Variants in CREB1 observed in about 807,000 individuals in gnomAD.
The protein encoded by CREB1 is cAMP responsive element binding protein 1, also known as cyclic AMP-responsive element-binding protein 1.
In CREB1, 2 loss-of-function variants were observed where a neutral mutation model predicts 42.0. The observed-to-expected ratio is 0.05, with a 90% confidence interval of 0.02 to 0.15. CREB1 has a LOEUF of 0.15. Ranked by LOEUF, CREB1 falls within the 10% of genes least tolerant of loss-of-function variation. The pLI is 1.00. For synonymous variants in CREB1, 123 were observed against 139.9 expected (o/e 0.88, Z 0.85); for missense variants, 199 against 388.9 (o/e 0.51, Z 4.11).
chr2:207,531,363 A>G (rs2080621499), intron 1 of CREB1, among the ~76,000 whole-genome samples: 1 of 152,232 alleles, frequency 6.6e-6, no homozygotes, highest in African/African-American at 2.4e-5. Flanking sequence ...TAAAGTATCC[A>G]TTATTTGTCT....
In CREB1 at chr2:207,602,651, T is replaced by C. The variant is rs952436377; in HGVS notation, c.*5593T>C. ...AAGTGAAATGATCTATCATTGTGTT[T>C]GGGAGGTTTTATTTTCTTATGTTTT... On this transcript the variant is annotated 3_prime_UTR_variant, in exon 8 of 8. Coordinates refer to ENST00000353267, the MANE Select transcript of CREB1 (RefSeq NM_004379.5). 9.5e-6 allele frequency: 2 copies of C among 211,302 alleles called. No individual in the cohort carries two copies. Among genetic ancestry groups the C allele is most frequent in the Non-Finnish European group, 1.9e-5 (2 of 104,180 alleles). The allele number at this position is 211,302 out of a possible 1,614,324, so 13.1% of individuals were successfully genotyped here.
At position 207,595,556 on chromosome 2, in the gene CREB1, C is replaced by A. The variant is rs2085981447; in HGVS notation, c.840-1358C>A. On this transcript the variant is annotated intron_variant, in intron 7 of 7. Coordinates refer to ENST00000353267, the MANE Select transcript of CREB1 (RefSeq NM_004379.5). ...TCCTGAGTAGCTGAGACTACACGCA[C>A]ACACCACCTAACTAATTTTTAATTG... is the stretch of plus-strand genomic sequence containing the variant. 2.0e-5 allele frequency among the ~76,000 whole-genome samples: 3 copies of A among 151,898 alleles called. No individual in the cohort carries two copies. In the South Asian group the frequency reaches 6.2e-4, roughly 32 times the overall value.
intron 1 of CREB1, among the ~76,000 whole-genome samples, chr2:207,532,445 C>A (rs952381002): frequency 1.3e-5 from 2 of 151,982 alleles, no homozygotes; most frequent in African/African-American, 4.8e-5. Flanking sequence ...GAAGCCGAGG[C>A]AGGCGGCTCA....
intron 1 of CREB1, among the ~76,000 whole-genome samples, chr2:207,533,715 T>C (rs2080750937): frequency 6.6e-6 from 1 of 152,192 alleles, no homozygotes; most frequent in Non-Finnish European, 1.5e-5. Flanking sequence ...ATTTTTTTTT[T>C]TCTTACCCAT....
rs2086834613 is a variant in CREB1, at chr2:207,600,273, T to G, written c.*3215T>G. On this transcript the variant is annotated 3_prime_UTR_variant, in exon 8 of 8. Coordinates refer to ENST00000353267, the MANE Select transcript of CREB1 (RefSeq NM_004379.5). Reference sequence around the variant, plus strand: ...TATATATATATATATACATACAGTATATAATCTAAAGCTCTGAGAGCTCTT... The same window carrying G: ...TATATATATATATATACATACAGTAGATAATCTAAAGCTCTGAGAGCTCTT... 1 of 168,862 alleles carries G rather than the reference T, an allele frequency of 5.9e-6. No homozygotes were observed. Among genetic ancestry groups the G allele is most frequent in the South Asian group, 2.0e-4 (1 of 4,934 alleles). 10.5% of individuals were successfully genotyped at this position (168,862 alleles called of 1,614,324 possible).
intron 7 of CREB1, among the ~76,000 whole-genome samples, chr2:207,590,069 T>C (rs1035487726): frequency 6.7e-6 from 1 of 148,602 alleles, no homozygotes; most frequent in African/African-American, 2.5e-5. Context: ...GCCTGGAGTT[T>C]TCTATTTTGA....
At chr2:207,540,669 T>TAAAAAAAAAAA (rs35714520) in intron 1 of CREB1, among the ~76,000 whole-genome samples, 10 of 64,270 alleles carry the variant, frequency 1.6e-4, no homozygotes, top group African/African-American at 4.9e-4. Flanking sequence ...GTTTAAAAAG[T>TAAAAAAAAAAA]AAAAAAAAAA....
At chr2:207,555,400 G>A (rs901013564) in intron 1 of CREB1, among the ~76,000 whole-genome samples, 40 of 152,092 alleles carry the variant, frequency 2.6e-4, no homozygotes, top group African/African-American at 9.4e-4. Context: ...AACAGCCAAG[G>A]GAGAAGAAAT....
intron 1 of CREB1, among the ~76,000 whole-genome samples, chr2:207,545,530 A>T (rs1042472470): frequency 6.6e-6 from 1 of 151,760 alleles, no homozygotes; most frequent in South Asian, 2.1e-4. Context: ...AGGTTCTTAT[A>T]TGTTTTATGC....
At chr2:207,532,517 AC>A (rs1464237081) in intron 1 of CREB1, among the ~76,000 whole-genome samples, 6 of 151,830 alleles carry the variant, frequency 4.0e-5, no homozygotes, top group African/African-American at 1.4e-4. Context: ...TACTAAAAAT[AC>A]AAAAATTAGC....
chr2:207,573,572 C>CA (rs976626621), intron 5 of CREB1, among the ~76,000 whole-genome samples: 18 of 151,938 alleles, frequency 1.2e-4, no homozygotes, highest in African/African-American at 4.1e-4. Context: ...CCTGTCTCTA[C>CA]AAAAAAATGT....
chr2:207,577,846 G>C (rs1025398576), intron 7 of CREB1, 191 bp downstream of exon 7: 13 of 610,088 alleles, frequency 2.1e-5, no homozygotes. Context: ...ATGATTATGG[G>C]TCAATCTTTG....
At chr2:207,543,360 G>A (rs1401176599) in intron 1 of CREB1, among the ~76,000 whole-genome samples, 3 of 152,086 alleles carry the variant, frequency 2.0e-5, no homozygotes, top group African/African-American at 7.2e-5. Context: ...GACTGCGATG[G>A]TAGTTTATAA....
At chr2:207,564,337 G>A (rs1455381089) in intron 3 of CREB1, among the ~76,000 whole-genome samples, 1 of 151,840 alleles carries the variant, frequency 6.6e-6, no homozygotes, top group Non-Finnish European at 1.5e-5. Context: ...GCAAGACCCT[G>A]TCTCTACAAA....
chr2:207,581,079 G>A lies in CREB1; in HGVS notation c.839+3424G>A, dbSNP rs149836894. On this transcript the variant is annotated intron_variant, in intron 7 of 7. Transcript: ENST00000353267. Reference sequence around the variant, plus strand: ...CTTTATGTAACTTTACATTGTAGGGGGATTTTAAAAGCAGATTCCCTAAAG... The same window carrying A: ...CTTTATGTAACTTTACATTGTAGGGAGATTTTAAAAGCAGATTCCCTAAAG... The A allele has an allele frequency of 5.2e-5, 11 of 212,178 alleles. No individual in the cohort carries two copies. In the East Asian group the frequency reaches 7.1e-4, roughly 14 times the overall value. The allele number at this position is 212,178 out of a possible 1,614,324, so 13.1% of individuals were successfully genotyped here.
chr2:207,554,324 T>C (rs894097386), intron 1 of CREB1, among the ~76,000 whole-genome samples: 2 of 152,198 alleles, frequency 1.3e-5, no homozygotes, highest in Non-Finnish European at 2.9e-5. Context: ...TGTAATACAT[T>C]GTGATGGAGT....
chr2:207,531,085 T>A (rs1239610676), intron 1 of CREB1, among the ~76,000 whole-genome samples: 1 of 152,172 alleles, frequency 6.6e-6, no homozygotes, highest in Non-Finnish European at 1.5e-5. Context: ...AAAGGGAAGC[T>A]GGTGTTTGAA....
At position 207,547,433 on chromosome 2, in the gene CREB1, T is replaced by G. The variant is rs1021637836; in HGVS notation, c.-8-8195T>G. On this transcript the variant is annotated intron_variant, in intron 1 of 7. Coordinates refer to ENST00000353267, the MANE Select transcript of CREB1 (RefSeq NM_004379.5). ...AACATTTGAAGACAGCTTCATTCTT[T>G]AGTCAACATAAAAATTGTTTTTGTC... Among the ~76,000 whole-genome samples, 9 of 152,218 alleles carry G rather than the reference T, an allele frequency of 5.9e-5. No homozygotes were observed. In the East Asian group the frequency reaches 1.5e-3, roughly 26 times the overall value.
At chr2:207,578,662 G>C (rs1375815652) in intron 7 of CREB1, among the ~76,000 whole-genome samples, 1 of 152,184 alleles carries the variant, frequency 6.6e-6, no homozygotes, top group Non-Finnish European at 1.5e-5. Flanking sequence ...CAATTTCACA[G>C]CTCAGATCAG....
Sources: allele counts gnomAD v4.1 joint callset (sites outside exome capture counted in the v4.1 genomes callset), GRCh38; gene constraint gnomAD v4.1.1; transcripts MANE v1.5; gene names NCBI Gene and HGNC (gene_info 2026-07-23, HGNC 2026-07-21).